Variants in CHD9 observed in about 807,000 individuals in gnomAD.
The protein encoded by CHD9 is ATP-dependent chromatin remodeler CHD9.
Under a neutral mutation model 316.1 loss-of-function variants are expected in CHD9, and 77 were observed. The observed-to-expected ratio is 0.24, with a 90% CI of 0.20 to 0.29. The LOEUF is 0.29. Among genes scored for constraint, CHD9 ranks in the 10% least tolerant of loss-of-function variants. The pLI, the probability that CHD9 is intolerant of heterozygous loss-of-function variation, is 1.00. For missense variants in CHD9, 2,763 were observed against 3,438.1 expected, an observed-to-expected ratio of 0.80 and a Z score of 4.91; for synonymous variants, 1,129 against 1,158.3, an observed-to-expected ratio of 0.97 and a Z score of 0.51.
intron 2 of CHD9, among the ~76,000 whole-genome samples, chr16:53,170,049 G>GTTTT (rs1402669050): frequency 7.8e-6 from 1 of 127,736 alleles, no homozygotes. Flanking sequence ...GTTTTTTTTT[G>GTTTT]TTTTTTTTTG....
At chr16:53,135,510 A>G (rs1195821022) in intron 1 of CHD9, among the ~76,000 whole-genome samples, 9 of 152,326 alleles carry the variant, frequency 5.9e-5, no homozygotes, top group Non-Finnish European at 7.4e-5. Flanking sequence ...TGACAGATTC[A>G]TGATGGATTG....
Position 53,304,267 on chromosome 16 carries a change from G to A in CHD9, c.6261G>A (p.Gln2087=). 3 of 1,611,412 alleles carry A rather than the reference G, an allele frequency of 1.9e-6. No individual in the cohort carries two copies. The highest frequency in any genetic ancestry group is 2.5e-6 in the Non-Finnish European group (3 of 1,179,406). Residue 2087 remains glutamine (Q), a synonymous_variant, in exon 31 of 39, where the codon CAG becomes CAA. Coordinates refer to ENST00000447540, the MANE Select transcript of CHD9 (RefSeq NM_001308319.2). ...PVSPKNGVLP[Q]ATGDQKSGGK... Reference sequence around the variant, plus strand: ...GTCCAAAGAATGGTGTTTTACCACAGGCTACTGGAGACCAGAAATCTGGTG... The same window carrying A: ...GTCCAAAGAATGGTGTTTTACCACAAGCTACTGGAGACCAGAAATCTGGTG...
chr16:53,256,381 C>CTTTTTT lies in CHD9; in HGVS notation c.4209+619_4209+624dup, dbSNP rs1163977563. 6.5e-3 allele frequency among the ~76,000 whole-genome samples: 649 copies of CTTTTTT among 99,238 alleles called. 1 individual carries two copies. Among genetic ancestry groups the CTTTTTT allele is most frequent in the African/African-American group, 7.8e-3 (191 of 24,404 alleles). 65.1% of individuals were successfully genotyped at this position (99,238 alleles called of 152,430 possible). A position where few individuals can be genotyped will look rare whatever the true frequency, so the allele number is the denominator to read the frequency against. On this transcript the variant is annotated intron_variant, in intron 19 of 38. Transcript: ENST00000447540. The stretch of plus-strand genomic sequence containing the variant: ...TGCCTTTATATTCCTTTTTTCTTTT[C>CTTTTTT]TTTTTTTTTTTTTTTTTTTTTTGAG...
chr16:53,153,716 A>G (rs945812140), intron 1 of CHD9, among the ~76,000 whole-genome samples: 3 of 151,758 alleles, frequency 2.0e-5, no homozygotes, highest in Non-Finnish European at 2.9e-5. Flanking sequence ...TTTTATTTTT[A>G]GTAGAGAGAA....
intron 3 of CHD9, among the ~76,000 whole-genome samples, chr16:53,215,058 G>C (rs375976106): frequency 2.0e-5 from 3 of 151,986 alleles, no homozygotes; most frequent in Non-Finnish European, 4.4e-5. Flanking sequence ...GACTACAGGT[G>C]CCCGCCACCA....
At chr16:53,200,985 C>T (rs191598360) in intron 2 of CHD9, among the ~76,000 whole-genome samples, 1 of 152,268 alleles carries the variant, frequency 6.6e-6, no homozygotes, top group Admixed American at 6.5e-5. Flanking sequence ...TATTAGGTTT[C>T]ACAAGAGCCC....
intron 30 of CHD9, among the ~76,000 whole-genome samples, chr16:53,301,007 A>T (rs1293376820): frequency 6.6e-6 from 1 of 152,282 alleles, no homozygotes; most frequent in East Asian, 1.9e-4. Flanking sequence ...TGGGAGGCGG[A>T]GGTTGCAGTG....
intron 1 of CHD9, among the ~76,000 whole-genome samples, chr16:53,150,376 G>A (rs995860724): frequency 1.3e-5 from 2 of 151,996 alleles, no homozygotes; most frequent in African/African-American, 4.8e-5. Context: ...CACATGCTCT[G>A]CTCCTAAACA....
At chr16:53,206,373 AAC>A (rs201085401) in intron 2 of CHD9, among the ~76,000 whole-genome samples, 41,212 of 150,626 alleles carry the variant, frequency 0.27, 5,654 homozygotes, top group Middle Eastern at 0.32. Flanking sequence ...AAAAAAAAAA[AAC>A]CATCCTAGCC....
chr16:53,097,329 T>C (rs1449071773), intron 1 of CHD9, among the ~76,000 whole-genome samples: 1 of 152,068 alleles, frequency 6.6e-6, no homozygotes, highest in Non-Finnish European at 1.5e-5. Flanking sequence ...TCCTCCTTTA[T>C]CAACAATTCC....
intron 17 of CHD9, among the ~76,000 whole-genome samples, chr16:53,251,125 T>C (rs139944524): frequency 0.011 from 1,601 of 152,340 alleles, 19 homozygotes; most frequent in Middle Eastern, 0.071. Context: ...ATTTCAAGCT[T>C]TGTGTGCCAC....
At chr16:53,310,511 C>T (rs1459337653) in intron 34 of CHD9, among the ~76,000 whole-genome samples, 1 of 151,994 alleles carries the variant, frequency 6.6e-6, no homozygotes, top group Non-Finnish European at 1.5e-5. Flanking sequence ...ATAGCTTTTG[C>T]CTGTAAGTCA....
chr16:53,243,051 G>A (rs2049241466), intron 13 of CHD9, 35 bp downstream of exon 13: 1 of 1,463,624 alleles, frequency 6.8e-7, no homozygotes, highest in Non-Finnish European at 9.4e-7. Context: ...TGACAATTGA[G>A]TTTATTAGAT....
chr16:53,144,268 CA>C (rs2040382426), intron 1 of CHD9, among the ~76,000 whole-genome samples: 1 of 151,918 alleles, frequency 6.6e-6, no homozygotes, highest in African/African-American at 2.4e-5. Flanking sequence ...GAAAATAACC[CA>C]AAGTATAGAG....
chr16:53,314,447 G>A lies in CHD9; in HGVS notation c.7293G>A (p.Arg2431=), dbSNP rs1162889627. ...ILDNQPIVKK[R]RGRRKNVEGV... ...ACAACCAGCCTATAGTCAAAAAAAG[G>A]CGAGGAAGGAGGAAGAATGTAGAAG... The change falls in exon 35 of 39, where the codon AGG becomes AGA. Residue 2431 remains arginine, a synonymous_variant. Transcript: ENST00000447540. The A allele has an allele frequency of 6.3e-6, 10 of 1,587,486 alleles. No individual in the cohort carries two copies. The highest frequency in any genetic ancestry group is 8.6e-7 in the Non-Finnish European group (1 of 1,165,540).
At chr16:53,251,362 A>C (rs536753468) in intron 17 of CHD9, among the ~76,000 whole-genome samples, 1 of 152,286 alleles carries the variant, frequency 6.6e-6, no homozygotes, top group Admixed American at 6.5e-5. Context: ...ACTTTATAGA[A>C]CCTGAAGAGA....
chr16:53,213,675 G>C (rs2046509097), intron 3 of CHD9, among the ~76,000 whole-genome samples: 1 of 152,202 alleles, frequency 6.6e-6, no homozygotes, highest in East Asian at 1.9e-4. Context: ...GGCCCTGTTT[G>C]GTTTTAGATT....
intron 4 of CHD9, among the ~76,000 whole-genome samples, chr16:53,224,688 C>A (rs760086654): frequency 6.6e-5 from 10 of 152,146 alleles, no homozygotes; most frequent in Non-Finnish European, 1.3e-4. Flanking sequence ...GAACTATTCT[C>A]AAATTTCATT....
At chr16:53,299,811 A>G (rs1185433717) in intron 30 of CHD9, 2 of 162,048 alleles carry the variant, frequency 1.2e-5, no homozygotes, top group Non-Finnish European at 2.7e-5. Context: ...TGGGCTTCCC[A>G]TTCCATAGCT....
Sources: allele counts gnomAD v4.1 joint callset (sites outside exome capture counted in the v4.1 genomes callset), GRCh38; gene constraint gnomAD v4.1.1; transcripts MANE v1.5; gene names NCBI Gene and HGNC (gene_info 2026-07-23, HGNC 2026-07-21).